LYPLA1: variants seen among roughly 807,000 people sequenced by gnomAD.
LYPLA1 encodes acyl-protein thioesterase 1.
A neutral mutation model predicts 34.0 loss-of-function variants in LYPLA1; 17 were observed. The observed-to-expected ratio is 0.50, with a 90% CI of 0.34 to 0.75. LYPLA1 has a LOEUF of 0.75. LYPLA1 is among the 30% of genes least tolerant of loss of function. The pLI is 0.01. For missense variants in LYPLA1, 203 were observed against 288.8 expected (o/e 0.70, Z 2.15); for synonymous variants, 98 against 100.8 (o/e 0.97, Z 0.17).
At position 54,046,534 on chromosome 8, in the gene LYPLA1, G is replaced by T. The variant is rs1044691; in HGVS notation, c.*1531C>A. 1.1e-4 allele frequency: 17 copies of T among 152,522 alleles called. No homozygotes were observed. The highest frequency in any genetic ancestry group is 2.5e-4 in the Non-Finnish European group (17 of 67,982). 9.4% of individuals were successfully genotyped at this position (152,522 alleles called of 1,614,324 possible). A position where few individuals can be genotyped will look rare whatever the true frequency, so the allele number is the denominator to read the frequency against. Reference sequence around the variant, plus strand: ...AACAGTTTATGTTCTTCAAGGTAAAGAAAAATGACATAGTAAATGATTGTT... The same window carrying T: ...AACAGTTTATGTTCTTCAAGGTAAATAAAAATGACATAGTAAATGATTGTT... On this transcript the variant is annotated 3_prime_UTR_variant, in exon 9 of 9. Transcript: ENST00000316963.
chr8:54,073,451 C>T lies in LYPLA1; in HGVS notation c.102-7638G>A, dbSNP rs193191359. 5.8e-5 allele frequency: 45 copies of T among 771,806 alleles called. 1 individual carries two copies. Among genetic ancestry groups the T allele is most frequent in the South Asian group, 3.9e-4 (29 of 74,180 alleles). The allele number at this position is 771,806 out of a possible 1,614,324, so 47.8% of individuals were successfully genotyped here. ...TTTCCTCAGCCATTTATCTACCTGG[C>T]TGTGATGGCCTTGTGATGTATGGCA... On this transcript the variant is annotated intron_variant, in intron 2 of 8. Transcript: ENST00000316963.
At chr8:54,062,194 C>T in intron 5 of LYPLA1, 60 bp downstream of exon 5, 1 of 1,218,922 alleles carries the variant, frequency 8.2e-7, no homozygotes, top group Non-Finnish European at 1.2e-6. Flanking sequence ...GATATGATTA[C>T]TAAATCTACT....
intron 5 of LYPLA1, among the ~76,000 whole-genome samples, chr8:54,060,401 A>G (rs1806515365): frequency 6.6e-6 from 1 of 152,146 alleles, no homozygotes; most frequent in South Asian, 2.1e-4. Flanking sequence ...CTGGGATTAC[A>G]GGTGTGAGCC....
At chr8:54,056,621 A>G (rs1806223538) in intron 5 of LYPLA1, among the ~76,000 whole-genome samples, 1 of 152,104 alleles carries the variant, frequency 6.6e-6, no homozygotes, top group African/African-American at 2.4e-5. Flanking sequence ...AATCTGATCA[A>G]AAAATGGGCC....
intron 5 of LYPLA1, among the ~76,000 whole-genome samples, chr8:54,061,160 A>G (rs1456631706): frequency 6.6e-6 from 1 of 151,580 alleles, no homozygotes; most frequent in Admixed American, 6.6e-5. Flanking sequence ...GGCTCACTGA[A>G]ACCTCTGCCT....
intron 2 of LYPLA1, among the ~76,000 whole-genome samples, chr8:54,097,192 C>T (rs1025588701): frequency 6.6e-6 from 1 of 152,142 alleles, no homozygotes; most frequent in Non-Finnish European, 1.5e-5. Flanking sequence ...CTGGAAGATA[C>T]CACCTTAATC....
chr8:54,059,080 T>G (rs1806413637), intron 5 of LYPLA1, among the ~76,000 whole-genome samples: 1 of 152,244 alleles, frequency 6.6e-6, no homozygotes, highest in African/African-American at 2.4e-5. Context: ...TCTTTCATTC[T>G]GGACCTCATG....
chr8:54,065,075 A>G (rs1024691593), intron 3 of LYPLA1, among the ~76,000 whole-genome samples: 3 of 152,166 alleles, frequency 2.0e-5, no homozygotes, highest in Non-Finnish European at 4.4e-5. Context: ...GTACATCAAC[A>G]TTGCCCCAAA....
intron 2 of LYPLA1, among the ~76,000 whole-genome samples, chr8:54,097,494 A>G (rs1403408027): frequency 6.6e-6 from 1 of 152,272 alleles, no homozygotes; most frequent in Non-Finnish European, 1.5e-5. Context: ...AGATAGCTAT[A>G]AAGGATATTA....
chr8:54,072,420 A>G (rs1807545566), intron 2 of LYPLA1, among the ~76,000 whole-genome samples: 1 of 152,246 alleles, frequency 6.6e-6, no homozygotes, highest in African/African-American at 2.4e-5. Flanking sequence ...ATTGCACAGC[A>G]AAAGAAACTA....
intron 2 of LYPLA1, chr8:54,100,677 T>C (rs997526944): frequency 7.8e-6 from 4 of 515,004 alleles, no homozygotes; most frequent in East Asian, 3.6e-5. Flanking sequence ...ATGAGGAATT[T>C]GAAATTTTAA....
rs538960939 is a variant in LYPLA1 at position 54,082,388 on chromosome 8, G to GCGATCAAGAACTAATCCTTTA, written c.102-16576_102-16575insTAAAGGATTAGTTCTTGATCG. On this transcript the variant is annotated intron_variant, in intron 2 of 8. Transcript: ENST00000316963. ...GAAAATGAAAAGCATTTGGACTGGTGCGATCAAGAACTAATCCTTTTTTTA... is the reference window on the plus strand; with the variant it reads ...GAAAATGAAAAGCATTTGGACTGGTGCGATCAAGAACTAATCCTTTACGATCAAGAACTAATCCTTTTTTTA... Among the ~76,000 whole-genome samples, 561 of 152,284 alleles carry GCGATCAAGAACTAATCCTTTA rather than the reference G, an allele frequency of 3.7e-3. 3 individuals are homozygous for GCGATCAAGAACTAATCCTTTA. Among genetic ancestry groups the GCGATCAAGAACTAATCCTTTA allele is most frequent in the African/African-American group, 0.013 (543 of 41,550 alleles).
intron 2 of LYPLA1, among the ~76,000 whole-genome samples, chr8:54,085,398 C>T (rs945345782): frequency 1.3e-5 from 2 of 152,230 alleles, no homozygotes; most frequent in Non-Finnish European, 2.9e-5. Context: ...AGCCTCTGCA[C>T]GGCCGCCACC....
In LYPLA1 at chr8:54,079,440, A is replaced by G. The variant is rs375035666; in HGVS notation, c.102-13627T>C. On this transcript the variant is annotated intron_variant, in intron 2 of 8. Coordinates refer to ENST00000316963, the MANE Select transcript of LYPLA1 (RefSeq NM_006330.4). ...CCTAGATCGTGGGCCCAGAGTAGACATTACCAAGCAATTAAGGCACTCTTT... is the reference window on the plus strand; with the variant it reads ...CCTAGATCGTGGGCCCAGAGTAGACGTTACCAAGCAATTAAGGCACTCTTT... Among the ~76,000 whole-genome samples, 57 of 152,264 alleles carry G rather than the reference A, an allele frequency of 3.7e-4. No individual in the cohort carries two copies. The Middle Eastern group carries it at 0.01, about 27-fold the overall frequency.
intron 2 of LYPLA1, among the ~76,000 whole-genome samples, chr8:54,097,648 G>C (rs923694151): frequency 6.6e-6 from 1 of 152,170 alleles, no homozygotes. Context: ...CATGGTTTCA[G>C]CTGCCCACAG....
chr8:54,060,852 C>G (rs562659733), intron 5 of LYPLA1, among the ~76,000 whole-genome samples: 1 of 151,782 alleles, frequency 6.6e-6, no homozygotes, highest in African/African-American at 2.4e-5. Context: ...GCCACCACGC[C>G]TGGCTAATTT....
At chr8:54,092,075 A>G (rs1809321715) in intron 2 of LYPLA1, among the ~76,000 whole-genome samples, 1 of 151,492 alleles carries the variant, frequency 6.6e-6, no homozygotes, top group African/African-American at 2.4e-5. Context: ...CTGTCGAAGC[A>G]AGGAGGAGGA....
At chr8:54,043,722 C>T (rs898198040), downstream of LYPLA1, among the ~76,000 whole-genome samples, 12 of 151,548 alleles carry the variant, frequency 7.9e-5, no homozygotes, top group Admixed American at 2.6e-4. Context: ...CTATCACTCC[C>T]GGCTAATTTC....
intron 2 of LYPLA1, among the ~76,000 whole-genome samples, chr8:54,083,324 T>G (rs1586153462): frequency 1.3e-5 from 2 of 152,166 alleles, no homozygotes; most frequent in East Asian, 3.8e-4. Context: ...CTTAGGAATA[T>G]TACTCTAAGC....
Sources: gnomAD v4.1 joint callset for allele counts (sites outside exome capture counted in the v4.1 genomes callset) on GRCh38, gnomAD v4.1.1 for gene constraint, MANE v1.5 for transcripts, NCBI Gene and HGNC (gene_info 2026-07-23, HGNC 2026-07-21) for gene names.